The following NWD2 variants were observed in gnomAD, a reference collection of about 807,000 sequenced individuals.
The protein encoded by NWD2 is NACHT and WD repeat domain-containing protein 2.
Under a neutral mutation model 132.7 loss-of-function variants are expected in NWD2, and 37 were observed. That is an observed-to-expected ratio of 0.28 (90% CI 0.21 to 0.37). The LOEUF (loss-of-function observed/expected upper bound fraction) is 0.37. Ranked by LOEUF, NWD2 falls within the 10% of genes least tolerant of loss-of-function variation. NWD2 has a pLI of 1.00. For synonymous variants in NWD2, 705 were observed against 803.0 expected (o/e 0.88, Z 2.06); for missense variants, 1,592 against 2,122.4 (o/e 0.75, Z 4.91).
chr4:37,413,449 A>G (rs563290701), intron 3 of NWD2, among the ~76,000 whole-genome samples: 230 of 152,346 alleles, frequency 1.5e-3, no homozygotes, highest in African/African-American at 5.2e-3. Flanking sequence ...TAGAATGGTG[A>G]TCATTAAAAA....
At chr4:37,384,687 A>G (rs868636079) in intron 3 of NWD2, among the ~76,000 whole-genome samples, 60 of 152,222 alleles carry the variant, frequency 3.9e-4, no homozygotes, top group African/African-American at 1.4e-3. Flanking sequence ...GAGCTGAGAA[A>G]CAGCAGCACA....
chr4:37,433,858 C>T lies in NWD2; in HGVS notation c.562-18C>T. On this transcript the variant is annotated intron_variant, in intron 4 of 6. Transcript: ENST00000309447. The stretch of plus-strand genomic sequence containing the variant: ...TTGATGATTGTAAGACTAATTTCTC[C>T]CTTTTACATTTCTATAGATGCAGCC... 1 of 1,503,244 alleles carries T rather than the reference C, an allele frequency of 6.7e-7. No individual in the cohort carries two copies. The highest frequency in any genetic ancestry group is 8.9e-7 in the Non-Finnish European group (1 of 1,125,302). 93.1% of individuals were successfully genotyped at this position (1,503,244 alleles called of 1,614,324 possible).
At position 37,262,618 on chromosome 4, in the gene NWD2, T is replaced by C. The variant is rs368066571; in HGVS notation, c.151+17400T>C. ...TTCATTCAGTGTTCTGGGAGGATAG[T>C]GAAATGTGGAACCTAAGCTGATCTT... On this transcript the variant is annotated intron_variant, in intron 1 of 6. Transcript: ENST00000309447. 7.9e-5 allele frequency among the ~76,000 whole-genome samples: 12 copies of C among 152,090 alleles called. No homozygotes were observed. The East Asian group carries it at 9.6e-4, about 12-fold the overall frequency.
intron 1 of NWD2, among the ~76,000 whole-genome samples, chr4:37,253,009 C>T (rs879447921): frequency 6.6e-6 from 1 of 151,188 alleles, no homozygotes; most frequent in African/African-American, 2.4e-5. Context: ...CAACCCCCCC[C>T]CCTTATGTTT....
intron 3 of NWD2, among the ~76,000 whole-genome samples, chr4:37,406,612 T>TA (rs1235981214): frequency 6.6e-6 from 1 of 152,054 alleles, no homozygotes; most frequent in Admixed American, 6.6e-5. Flanking sequence ...TATGCAGCCA[T>TA]AAAAAATGAG....
chr4:37,379,811 TCTCTC>T (rs1431201508), intron 3 of NWD2, among the ~76,000 whole-genome samples: 2 of 152,162 alleles, frequency 1.3e-5, no homozygotes, highest in Non-Finnish European at 2.9e-5. Context: ...CACTTGGACT[TCTCTC>T]CTACCTGTAC....
At chr4:37,257,812 A>G (rs886716740) in intron 1 of NWD2, among the ~76,000 whole-genome samples, 1 of 152,210 alleles carries the variant, frequency 6.6e-6, no homozygotes, top group Non-Finnish European at 1.5e-5. Context: ...AATAAGTTAC[A>G]TCTCTAAATA....
intron 3 of NWD2, among the ~76,000 whole-genome samples, chr4:37,382,401 C>A (rs1720470889): frequency 6.6e-6 from 1 of 152,124 alleles, no homozygotes; most frequent in Admixed American, 6.5e-5. Context: ...CCTCTGTTTA[C>A]CATATTAAGG....
intron 1 of NWD2, among the ~76,000 whole-genome samples, chr4:37,290,702 G>T (rs1425543807): frequency 6.6e-6 from 1 of 152,218 alleles, no homozygotes; most frequent in Non-Finnish European, 1.5e-5. Context: ...AACAAAGAGG[G>T]ATGCAGTAAA....
rs73807454 is a variant in NWD2 at position 37,253,088 on chromosome 4, A to G, written c.151+7870A>G. 5.3e-3 allele frequency among the ~76,000 whole-genome samples: 807 copies of G among 151,382 alleles called. 4 individuals are homozygous for G. Among genetic ancestry groups the G allele is most frequent in the African/African-American group, 0.019 (771 of 41,378 alleles). On this transcript the variant is annotated intron_variant, in intron 1 of 6. Coordinates refer to ENST00000309447, the MANE Select transcript of NWD2 (RefSeq NM_001144990.2). ...GATAACAAGAGCATAATCCAGGGGC[A>G]CTGCAAGTATGATAGTAAGTCCTCA...
chr4:37,399,715 A>C (rs538626969), intron 3 of NWD2, among the ~76,000 whole-genome samples: 3 of 152,248 alleles, frequency 2.0e-5, no homozygotes, highest in East Asian at 1.9e-4. Flanking sequence ...AATTTCTGTA[A>C]GTTTCTTTAA....
chr4:37,415,840 C>T (rs929361235), intron 3 of NWD2, among the ~76,000 whole-genome samples: 1 of 152,082 alleles, frequency 6.6e-6, no homozygotes, highest in African/African-American at 2.4e-5. Flanking sequence ...CCATTAATGA[C>T]GCTGATATCA....
chr4:37,325,871 A>G (rs1577668590), intron 1 of NWD2, 65 bp from the exon 2 acceptor site: 15 of 963,436 alleles, frequency 1.6e-5, no homozygotes. Flanking sequence ...TTAGGTTTTC[A>G]TTTTTTTGCC....
intron 3 of NWD2, among the ~76,000 whole-genome samples, chr4:37,382,492 T>C (rs1026256886): frequency 2.0e-5 from 3 of 152,082 alleles, no homozygotes; most frequent in African/African-American, 7.2e-5. Flanking sequence ...TTTCGACATT[T>C]GGAATGGTGG....
chr4:37,274,056 C>G (rs569367708), intron 1 of NWD2, among the ~76,000 whole-genome samples: 2 of 151,900 alleles, frequency 1.3e-5, no homozygotes, highest in Non-Finnish European at 2.9e-5. Flanking sequence ...CAAAAGCTAG[C>G]GGAAGGCAAG....
chr4:37,245,709 G>C (rs1717230909), intron 1 of NWD2, among the ~76,000 whole-genome samples: 1 of 152,118 alleles, frequency 6.6e-6, no homozygotes, highest in Non-Finnish European at 1.5e-5. Context: ...CTGCAGGTGC[G>C]ATGGTGCCCT....
intron 1 of NWD2, among the ~76,000 whole-genome samples, chr4:37,275,312 A>T (rs1260034273): frequency 1.3e-5 from 2 of 152,174 alleles, no homozygotes; most frequent in Non-Finnish European, 2.9e-5. Flanking sequence ...ATCATGAGTG[A>T]ACTCCCATTC....
chr4:37,248,782 AACAC>A (rs1717294722), intron 1 of NWD2, among the ~76,000 whole-genome samples: 4 of 152,370 alleles, frequency 2.6e-5, no homozygotes. Flanking sequence ...GTACAGTCTT[AACAC>A]AGAAGGAAGA....
In NWD2 at chr4:37,305,871, G is replaced by A. The variant is rs368606203; in HGVS notation, c.152-20065G>A. ...AGAATAATTAATTAATAGAATTAAT[G>A]TGGAGGAATTTTTTTCTCTTCAGTT... On this transcript the variant is annotated intron_variant, in intron 1 of 6. Transcript: ENST00000309447. 7.2e-5 allele frequency among the ~76,000 whole-genome samples: 11 copies of A among 152,236 alleles called. No individual in the cohort carries two copies. The East Asian group carries it at 1.7e-3, about 24-fold the overall frequency.
Sources: allele counts gnomAD v4.1 joint callset (sites outside exome capture counted in the v4.1 genomes callset), GRCh38; gene constraint gnomAD v4.1.1; transcripts MANE v1.5; gene names NCBI Gene and HGNC (gene_info 2026-07-23, HGNC 2026-07-21).